The following GRID2 variants were observed in gnomAD, a reference collection of about 807,000 sequenced individuals.
The protein encoded by GRID2 is glutamate ionotropic receptor delta type subunit 2.
GRID2 carries 33 observed loss-of-function variants against 114.8 expected under a neutral mutation model. The observed-to-expected ratio is 0.29, with a 90% confidence interval of 0.22 to 0.38. The LOEUF (loss-of-function observed/expected upper bound fraction) is 0.38, where lower values mean the gene tolerates loss of function less well. GRID2 is among the 10% of genes least tolerant of loss of function. The probability of loss-of-function intolerance (pLI) is 1.00; values close to 1 mark genes in which losing one functional copy is unlikely to be tolerated. For synonymous variants in GRID2, 505 were observed against 449.9 expected (o/e 1.12, Z -1.55); for missense variants, 1,184 against 1,257.7 (o/e 0.94, Z 0.89).
chr4:92,673,553 C>T (rs1322416294), intron 2 of GRID2, among the ~76,000 whole-genome samples: 1 of 152,066 alleles, frequency 6.6e-6, no homozygotes, highest in Non-Finnish European at 1.5e-5. Context: ...ACTGCATGTC[C>T]GCTAAGGAAA....
At chr4:93,100,863 A>G (rs1304840990) in intron 3 of GRID2, among the ~76,000 whole-genome samples, 1 of 152,114 alleles carries the variant, frequency 6.6e-6, no homozygotes, top group East Asian at 1.9e-4. Flanking sequence ...ATATTTCAAA[A>G]CAATAATCAG....
At chr4:92,465,832 T>A (rs1172223110) in intron 1 of GRID2, among the ~76,000 whole-genome samples, 1 of 151,944 alleles carries the variant, frequency 6.6e-6, no homozygotes, top group Non-Finnish European at 1.5e-5. Flanking sequence ...ATCTAACATG[T>A]TTGCATAAAT....
chr4:92,321,388 C>G (rs1208410885), intron 1 of GRID2, among the ~76,000 whole-genome samples: 1 of 152,174 alleles, frequency 6.6e-6, no homozygotes, highest in Non-Finnish European at 1.5e-5. Context: ...AAACACTGTT[C>G]AAACTGAGAA....
intron 2 of GRID2, among the ~76,000 whole-genome samples, chr4:92,895,388 T>C (rs1747090725): frequency 7.0e-6 from 1 of 142,656 alleles, no homozygotes. Context: ...AGAAAACATA[T>C]ATATATATAT....
At chr4:92,629,373 C>T (rs964973858) in intron 2 of GRID2, among the ~76,000 whole-genome samples, 1 of 152,094 alleles carries the variant, frequency 6.6e-6, no homozygotes, top group Non-Finnish European at 1.5e-5. Context: ...CATATAAGAT[C>T]ATTTCAAACC....
Position 92,942,117 on chromosome 4 carries a change from A to G in GRID2, c.245-142878A>G, listed in dbSNP as rs905365025. ...GTGCAGAGCTGAGTTCAATTCCTGG[A>G]TATCCTTGTTAACTTTCTGTCTTGT... On this transcript the variant is annotated intron_variant, in intron 2 of 15. Coordinates refer to ENST00000282020, the MANE Select transcript of GRID2 (RefSeq NM_001510.4). Among the ~76,000 whole-genome samples, 6 of 152,026 alleles carry G rather than the reference A, an allele frequency of 3.9e-5. No homozygotes were observed. In the East Asian group the frequency reaches 5.8e-4, roughly 15 times the overall value.
At chr4:93,273,853 T>A (rs1751767306) in intron 8 of GRID2, among the ~76,000 whole-genome samples, 1 of 152,100 alleles carries the variant, frequency 6.6e-6, no homozygotes, top group African/African-American at 2.4e-5. Context: ...TACCAACAAT[T>A]GCAATTATCA....
Position 92,764,107 on chromosome 4 carries a change from G to A in GRID2, c.244+173821G>A, listed in dbSNP as rs1009839861. ...CTAAGATGGTTGTCTGTGCTCTAGC[G>A]ATTCCATCCATAATCTAACCTTTTC... On this transcript the variant is annotated intron_variant, in intron 2 of 15. Transcript: ENST00000282020. Among the ~76,000 whole-genome samples the A allele has an allele frequency of 3.3e-5, 5 of 152,034 alleles. 1 individual carries two copies. The highest frequency in any genetic ancestry group is 1.2e-4 in the African/African-American group (5 of 41,394).
chr4:92,342,663 C>T (rs1055195457), intron 1 of GRID2, among the ~76,000 whole-genome samples: 5 of 152,154 alleles, frequency 3.3e-5, no homozygotes, highest in Non-Finnish European at 7.4e-5. Flanking sequence ...TCATAGATTT[C>T]TGCCTAAACA....
chr4:93,661,029 G>A (rs1438945103), intron 14 of GRID2, among the ~76,000 whole-genome samples: 1 of 152,096 alleles, frequency 6.6e-6, no homozygotes, highest in Non-Finnish European at 1.5e-5. Context: ...CAAGTGTGTT[G>A]GCTTTACAAA....
intron 14 of GRID2, among the ~76,000 whole-genome samples, chr4:93,679,950 A>C (rs1182609848): frequency 1.3e-5 from 2 of 151,234 alleles, no homozygotes; most frequent in Non-Finnish European, 2.9e-5. Flanking sequence ...AAGGAAATAG[A>C]GACCAAAAAA....
chr4:93,343,169 TG>T lies in GRID2; in HGVS notation c.1246-52437del, dbSNP rs1560520037. 6.7e-3 allele frequency among the ~76,000 whole-genome samples: 1,003 copies of T among 150,126 alleles called. 9 individuals carry two copies. The highest frequency in any genetic ancestry group is 0.015 in the South Asian group (71 of 4,692). ...GTGTGTGTGTGTGTGTGTGTGTGTGTGTGTGTGTGTGTATTGGGTCATATTA... is the reference window on the plus strand; with the variant it reads ...GTGTGTGTGTGTGTGTGTGTGTGTGTTGTGTGTGTGTATTGGGTCATATTA... On this transcript the variant is annotated intron_variant, in intron 8 of 15. Coordinates refer to ENST00000282020, the MANE Select transcript of GRID2 (RefSeq NM_001510.4).
intron 1 of GRID2, among the ~76,000 whole-genome samples, chr4:92,473,476 G>A (rs1722143073): frequency 1.3e-5 from 2 of 152,004 alleles, no homozygotes. Context: ...GGGAATAGTG[G>A]AAATTCTTGA....
At chr4:92,613,174 G>A (rs1302134931) in intron 2 of GRID2, among the ~76,000 whole-genome samples, 2 of 151,350 alleles carry the variant, frequency 1.3e-5, no homozygotes, top group Non-Finnish European at 3.0e-5. Flanking sequence ...GCTCATTGAG[G>A]TGATCATGTG....
chr4:92,897,527 C>G (rs1039555813), intron 2 of GRID2, among the ~76,000 whole-genome samples: 1 of 152,116 alleles, frequency 6.6e-6, no homozygotes, highest in African/African-American at 2.4e-5. Context: ...TCTTTCCATG[C>G]CACTTCCAGC....
chr4:92,793,463 G>T (rs1445347051), intron 2 of GRID2, among the ~76,000 whole-genome samples: 1 of 151,266 alleles, frequency 6.6e-6, no homozygotes, highest in South Asian at 2.1e-4. Context: ...ACACCTGGGA[G>T]ATGAAATAAT....
At chr4:93,103,226 C>T (rs1453110255) in intron 3 of GRID2, among the ~76,000 whole-genome samples, 1 of 152,070 alleles carries the variant, frequency 6.6e-6, no homozygotes, top group African/African-American at 2.4e-5. Flanking sequence ...CCAGAGCTCC[C>T]TGCAGGTCTT....
At chr4:93,167,832 G>A (rs1436926580) in intron 4 of GRID2, among the ~76,000 whole-genome samples, 4 of 152,030 alleles carry the variant, frequency 2.6e-5, no homozygotes, top group South Asian at 2.1e-4. Flanking sequence ...TTTTAGAGAT[G>A]CATTCTGAAA....
intron 2 of GRID2, among the ~76,000 whole-genome samples, chr4:92,605,466 ATAAT>A (rs1332620939): frequency 1.3e-5 from 2 of 152,088 alleles, no homozygotes; most frequent in African/African-American, 2.4e-5. Context: ...AGAAAAGTTG[ATAAT>A]TTTATTTATA....
Sources: allele counts gnomAD v4.1 joint callset (sites outside exome capture counted in the v4.1 genomes callset), GRCh38; gene constraint gnomAD v4.1.1; transcripts MANE v1.5; gene names NCBI Gene and HGNC (gene_info 2026-07-23, HGNC 2026-07-21).